ANAPC10: variants seen among roughly 807,000 people sequenced by gnomAD.
ANAPC10 encodes anaphase promoting complex subunit 10, also known as anaphase-promoting complex subunit 10.
Under a neutral mutation model 22.0 loss-of-function variants are expected in ANAPC10, and 12 were observed. The ratio of observed to expected loss-of-function variants is 0.55; its 90% CI spans 0.35 to 0.88. The LOEUF (loss-of-function observed/expected upper bound fraction) is 0.88, where lower values mean the gene tolerates loss of function less well. ANAPC10 is among the 40% of genes least tolerant of loss of function. The pLI is 0.01. For missense variants in ANAPC10, 188 were observed against 220.9 expected, an observed-to-expected ratio of 0.85 and a Z score of 0.94; for synonymous variants, 65 against 69.5, an observed-to-expected ratio of 0.94 and a Z score of 0.32.
At chr4:145,095,415 T>C (rs1367633325) in intron 2 of ANAPC10, among the ~76,000 whole-genome samples, 1 of 152,102 alleles carries the variant, frequency 6.6e-6, no homozygotes. Context: ...TCCACCACTT[T>C]GTCCAGCATA....
chr4:145,018,125 AT>A (rs942565136), intron 4 of ANAPC10, among the ~76,000 whole-genome samples: 20 of 145,530 alleles, frequency 1.4e-4, no homozygotes, highest in Non-Finnish European at 1.7e-4. Context: ...AATAAAAAAA[AT>A]ATATATATAT....
In ANAPC10 at chr4:145,046,430, T is replaced by C. The variant is rs560541673; in HGVS notation, c.327+18142A>G. On this transcript the variant is annotated intron_variant, in intron 4 of 4. Transcript: ENST00000507656. ...TTTAAATATAACAAAATAAATTCCA[T>C]AAGCACAAACAATTTCAAGAACAGA... Among the ~76,000 whole-genome samples the C allele has an allele frequency of 5.3e-5, 8 of 152,196 alleles. 1 individual carries two copies. The South Asian group carries it at 1.7e-3, about 32-fold the overall frequency.
intron 4 of ANAPC10, among the ~76,000 whole-genome samples, chr4:145,061,956 A>T (rs1360196511): frequency 6.6e-6 from 1 of 151,932 alleles, no homozygotes; most frequent in Non-Finnish European, 1.5e-5. Flanking sequence ...AAAAATACAA[A>T]GGAGGCTGAG....
intron 4 of ANAPC10, among the ~76,000 whole-genome samples, chr4:145,063,382 A>T (rs1743192213): frequency 6.6e-6 from 1 of 152,186 alleles, no homozygotes; most frequent in Non-Finnish European, 1.5e-5. Flanking sequence ...ATACATATGC[A>T]AGTTTTACGA....
intron 2 of ANAPC10, among the ~76,000 whole-genome samples, chr4:145,092,661 C>T (rs116216429): frequency 0.012 from 1,885 of 152,186 alleles, 41 homozygotes; most frequent in African/African-American, 0.042. Flanking sequence ...CACATAAAGA[C>T]TGGGAGAGGG....
intron 4 of ANAPC10, among the ~76,000 whole-genome samples, chr4:145,052,795 G>A (rs962564067): frequency 6.6e-6 from 1 of 151,724 alleles, no homozygotes; most frequent in African/African-American, 2.4e-5. Flanking sequence ...GGCTGAGACA[G>A]GAGAAGCGCT....
rs558146533 is a variant in ANAPC10 at position 145,075,621 on chromosome 4, C to T, written c.206+6039G>A. Reference sequence around the variant, plus strand: ...AGGAACCGTGAATGGGGTTGCTGAGCACCAGGACTCATTTCTGGCCCTGAG... The same window carrying T: ...AGGAACCGTGAATGGGGTTGCTGAGTACCAGGACTCATTTCTGGCCCTGAG... On this transcript the variant is annotated intron_variant, in intron 3 of 4. Transcript: ENST00000507656. 1.2e-4 allele frequency among the ~76,000 whole-genome samples: 18 copies of T among 152,276 alleles called. No homozygotes were observed. In the South Asian group the frequency reaches 3.7e-3, roughly 32 times the overall value.
chr4:145,046,874 T>A (rs1307334737), intron 4 of ANAPC10, among the ~76,000 whole-genome samples: 1 of 152,096 alleles, frequency 6.6e-6, no homozygotes, highest in Non-Finnish European at 1.5e-5. Context: ...CTTGAGCATG[T>A]CTTAATATAC....
chr4:145,083,236 T>C (rs1383687898), intron 2 of ANAPC10, among the ~76,000 whole-genome samples: 1 of 152,192 alleles, frequency 6.6e-6, no homozygotes, highest in Admixed American at 6.5e-5. Flanking sequence ...TTAAATAATC[T>C]AATATTTATT....
intron 4 of ANAPC10, among the ~76,000 whole-genome samples, chr4:145,045,245 C>A (rs1202081130): frequency 6.6e-6 from 1 of 152,034 alleles, no homozygotes; most frequent in African/African-American, 2.4e-5. Flanking sequence ...AAGTACTTTG[C>A]AAACTTTATC....
chr4:145,030,368 CT>C (rs1258343018), intron 4 of ANAPC10, among the ~76,000 whole-genome samples: 7 of 152,178 alleles, frequency 4.6e-5, no homozygotes, highest in African/African-American at 1.7e-4. Context: ...TACAGTGAAT[CT>C]TTCTCCCATC....
chr4:145,015,342 A>T (rs1734946474), intron 4 of ANAPC10, among the ~76,000 whole-genome samples: 1 of 152,080 alleles, frequency 6.6e-6, no homozygotes, highest in Non-Finnish European at 1.5e-5. Context: ...AAAGAAATTC[A>T]GAGCTTGAAG....
intron 4 of ANAPC10, among the ~76,000 whole-genome samples, chr4:144,998,211 C>T (rs1266562790): frequency 1.3e-5 from 2 of 152,174 alleles, no homozygotes; most frequent in South Asian, 2.1e-4. Context: ...GAATTGAACT[C>T]AGCTCTGCAC....
At chr4:145,071,982 T>C (rs1744549205) in intron 3 of ANAPC10, among the ~76,000 whole-genome samples, 2 of 150,638 alleles carry the variant, frequency 1.3e-5, no homozygotes, top group Non-Finnish European at 3.0e-5. Flanking sequence ...TCTAACAAAT[T>C]CAGAAATGTG....
chr4:145,065,343 TAATC>T (rs1283863360), intron 3 of ANAPC10, among the ~76,000 whole-genome samples: 1 of 151,980 alleles, frequency 6.6e-6, no homozygotes, highest in Non-Finnish European at 1.5e-5. Context: ...CAACGTCTAA[TAATC>T]AAAGAAAGAG....
chr4:145,095,701 C>T (rs1748405649), intron 2 of ANAPC10, among the ~76,000 whole-genome samples: 1 of 152,194 alleles, frequency 6.6e-6, no homozygotes, highest in Non-Finnish European at 1.5e-5. Context: ...AGACCACTTT[C>T]ACAAAACTTT....
chr4:145,048,065 C>T (rs1740586535), intron 4 of ANAPC10, among the ~76,000 whole-genome samples: 1 of 152,154 alleles, frequency 6.6e-6, no homozygotes, highest in African/African-American at 2.4e-5. Context: ...ATGCTTATAT[C>T]AGAAAGTAGG....
intron 2 of ANAPC10, among the ~76,000 whole-genome samples, chr4:145,094,071 G>A (rs896667712): frequency 6.6e-6 from 1 of 152,174 alleles, no homozygotes; most frequent in African/African-American, 2.4e-5. Flanking sequence ...AGAAGGCAAG[G>A]ATAACTGGGG....
chr4:145,012,176 G>GTGTATA (rs772770916), intron 4 of ANAPC10, among the ~76,000 whole-genome samples: 2 of 140,632 alleles, frequency 1.4e-5, no homozygotes, highest in Non-Finnish European at 3.1e-5. Context: ...GTGTGTGTGT[G>GTGTATA]TATATATATA....
Sources: allele counts gnomAD v4.1 joint callset (sites outside exome capture counted in the v4.1 genomes callset), GRCh38; gene constraint gnomAD v4.1.1; transcripts MANE v1.5; gene names NCBI Gene and HGNC (gene_info 2026-07-23, HGNC 2026-07-21).